MSANTD7: variants seen among roughly 807,000 people sequenced by gnomAD.
The protein encoded by MSANTD7 is Myb/SANT DNA binding domain containing 7, also known as zinc finger and SCAN domain containing 29.
At chr10:14,839,265 C>T in the MSANTD7 span, among the ~76,000 whole-genome samples, 1 of 152,212 alleles carries the variant, frequency 6.6e-6, no homozygotes, top group African/African-American at 2.4e-5. Flanking sequence ...AATAATACTA[C>T]TTCATTTGTA....
chr10:14,844,966 T>C, the MSANTD7 span: 1 of 985,502 alleles, frequency 1.0e-6, no homozygotes, highest in Non-Finnish European at 1.2e-6. Context: ...TCAGATGTTG[T>C]AGACAGAAGT....
chr10:14,845,591 TATTATTA>T, the MSANTD7 span: 1 of 936,872 alleles, frequency 1.1e-6, no homozygotes, highest in Non-Finnish European at 1.3e-6. Context: ...CCTTTTCTAT[TATTATTA>T]TTTTTTTTTT....
the MSANTD7 span, chr10:14,845,595 A>AT: frequency 4.8e-5 from 44 of 909,096 alleles, no homozygotes; most frequent in Middle Eastern, 5.6e-4. Flanking sequence ...TTCTATTATT[A>AT]TTATTTTTTT....
At chr10:14,844,404 G>C in the MSANTD7 span, 1 of 994,224 alleles carries the variant, frequency 1.0e-6, no homozygotes, top group Non-Finnish European at 1.2e-6. Context: ...TTCATTGCTT[G>C]AATCTTTCCT....
At chr10:14,842,201 C>A in the MSANTD7 span, 3 of 1,535,250 alleles carry the variant, frequency 2.0e-6, no homozygotes, top group Admixed American at 2.0e-5. The surrounding 1 kb of genome is among the most constrained non-coding windows in gnomAD (Gnocchi z 5.2). Context: ...CTGGAGATAT[C>A]CTGAGAGCAC....
At chr10:14,846,468 A>G in the MSANTD7 span, 4,718 of 985,406 alleles carry the variant, frequency 4.8e-3, 14 homozygotes, top group African/African-American at 9.4e-3. Flanking sequence ...ATAAGTACAC[A>G]GAAAAATAGG....
chr10:14,844,669 C>T, the MSANTD7 span: 9 of 977,592 alleles, frequency 9.2e-6, no homozygotes, highest in Middle Eastern at 5.2e-4. Context: ...TTGTGTGTTA[C>T]GGTTTATATC....
At chr10:14,842,950 C>A in the MSANTD7 span, 1 of 847,032 alleles carries the variant, frequency 1.2e-6, no homozygotes, top group Non-Finnish European at 1.8e-6. This position sits in a 1 kb window ranked among gnomAD's most constrained non-coding sequence, Gnocchi z 5.2. Context: ...GTTCCTGTTT[C>A]TGCCTCATTC....
At chr10:14,844,545 T>C in the MSANTD7 span, 4 of 986,726 alleles carry the variant, frequency 4.1e-6, no homozygotes, top group African/African-American at 7.0e-5. Flanking sequence ...CTGCTGTGTA[T>C]CTGACATATC....
At chr10:14,846,113 C>A in the MSANTD7 span, 4 of 982,238 alleles carry the variant, frequency 4.1e-6, no homozygotes, top group Non-Finnish European at 4.8e-6. Context: ...CCACACCAGA[C>A]ATATAGACTC....
chr10:14,842,851 C>T, the MSANTD7 span: 4 of 1,518,722 alleles, frequency 2.6e-6, no homozygotes, highest in East Asian at 7.4e-5. The surrounding 1 kb of genome is among the most constrained non-coding windows in gnomAD (Gnocchi z 5.2). Context: ...GTGCAGGTAA[C>T]TCCCAAGCAT....
chr10:14,840,600 A>G, the MSANTD7 span, among the ~76,000 whole-genome samples: 1 of 152,170 alleles, frequency 6.6e-6, no homozygotes, highest in Non-Finnish European at 1.5e-5. Context: ...GAACTTTTCC[A>G]CTTGACTTAC....
the MSANTD7 span, chr10:14,845,123 C>A: frequency 1.0e-6 from 1 of 985,410 alleles, no homozygotes; most frequent in Middle Eastern, 5.2e-4. Flanking sequence ...CTCCTCCACA[C>A]CCCAGACACA....
the MSANTD7 span, chr10:14,843,689 T>A: frequency 6.5e-7 from 1 of 1,543,192 alleles, no homozygotes; most frequent in Non-Finnish European, 8.7e-7. Flanking sequence ...GCACGAGAAC[T>A]CTCAAAGCGG....
At chr10:14,841,302 A>G in the MSANTD7 span, 1 of 152,238 alleles carries the variant, frequency 6.6e-6, no homozygotes, top group African/African-American at 2.4e-5. Context: ...TTGGTGTCAA[A>G]TATTTTCAGA....
At chr10:14,846,175 T>C in the MSANTD7 span, 4 of 984,796 alleles carry the variant, frequency 4.1e-6, no homozygotes, top group Admixed American at 6.1e-5. Context: ...ACAGCTATAT[T>C]CATTCTCAAT....
At chr10:14,841,795 T>C in the MSANTD7 span, among the ~76,000 whole-genome samples, 3 of 152,346 alleles carry the variant, frequency 2.0e-5, no homozygotes, top group South Asian at 2.1e-4. Flanking sequence ...TGAGCATCTT[T>C]CAGATTGCTA....
At chr10:14,840,874 A>T in the MSANTD7 span, among the ~76,000 whole-genome samples, 1 of 152,238 alleles carries the variant, frequency 6.6e-6, no homozygotes, top group African/African-American at 2.4e-5. Flanking sequence ...TTGGCAACGC[A>T]AATACTATCA....
chr10:14,846,369 A>G, the MSANTD7 span: 6 of 985,422 alleles, frequency 6.1e-6, no homozygotes, highest in Non-Finnish European at 7.2e-6. Context: ...GAAGAAGAGC[A>G]TTGGAATTAA....
Sources: allele counts gnomAD v4.1 joint callset (sites outside exome capture counted in the v4.1 genomes callset), GRCh38; gene constraint gnomAD v4.1.1; non-coding constraint Gnocchi (gnomAD v3.1); transcripts MANE v1.5; gene names NCBI Gene and HGNC (gene_info 2026-07-23, HGNC 2026-07-21).